Variants in ZSCAN30 observed in about 807,000 individuals in gnomAD.
The protein encoded by ZSCAN30 is zinc finger and SCAN domain containing 30, also known as zinc finger and SCAN domain-containing protein 30.
A neutral mutation model predicts 44.3 loss-of-function variants in ZSCAN30; 37 were observed. The observed-to-expected ratio is 0.84, with a 90% CI of 0.64 to 1.10. The LOEUF is 1.10. Ranked by LOEUF, ZSCAN30 falls within the 50% of genes least tolerant of loss-of-function variation. The pLI is 0.00. For synonymous variants in ZSCAN30, 181 were observed against 204.6 expected (o/e 0.88, Z 0.98); for missense variants, 549 against 582.6 (o/e 0.94, Z 0.59).
chr18:35,277,534 G>C (rs904172710), intron 1 of ZSCAN30, among the ~76,000 whole-genome samples: 10 of 152,122 alleles, frequency 6.6e-5, no homozygotes, highest in African/African-American at 1.2e-4. Context: ...GGTTTTATAA[G>C]GGGCTTTTCC....
chr18:35,279,657 T>C (rs2044421294), intron 1 of ZSCAN30, among the ~76,000 whole-genome samples: 1 of 152,204 alleles, frequency 6.6e-6, no homozygotes, highest in Non-Finnish European at 1.5e-5. Flanking sequence ...TCCTGGTTCA[T>C]AGAAGCCATC....
intron 3 of ZSCAN30, chr18:35,259,963 A>C (rs2043986142): frequency 1.3e-5 from 2 of 152,384 alleles, no homozygotes; most frequent in Admixed American, 1.3e-4. Flanking sequence ...CTATCAACCC[A>C]TCACCTAGGT....
In ZSCAN30 at chr18:35,253,470, T is replaced by C; in HGVS notation, c.1465A>G (p.Arg489Gly). ...CAGAGTTAAACTCTGGTGTGTGTTC[T>C]CTGATGCTGCATAAGGCCTGACCTA... is the stretch of plus-strand genomic sequence containing the variant. ...RHRSGLMQHQ[R>G]THTRV The change falls in exon 4 of 4, where the codon AGA (arginine) becomes GGA (glycine). Residue 489 changes from arginine to glycine, a missense_variant. By Grantham distance (125) the Arg-to-Gly change is moderately radical (BLOSUM62 -2). Transcript: ENST00000333206. 2 of 1,583,778 alleles carry C rather than the reference T, an allele frequency of 1.3e-6. No homozygotes were observed. The highest frequency in any genetic ancestry group is 2.3e-5 in the South Asian group (2 of 86,482).
intron 1 of ZSCAN30, chr18:35,282,746 A>G (rs1358930626): frequency 6.6e-6 from 1 of 152,190 alleles, no homozygotes; most frequent in African/African-American, 2.4e-5. Flanking sequence ...TCTGAAGGAT[A>G]CCCTCACCAC....
intron 3 of ZSCAN30, chr18:35,260,758 C>A (rs970264880): frequency 6.6e-6 from 1 of 152,004 alleles, no homozygotes; most frequent in African/African-American, 2.4e-5. Flanking sequence ...GATATTAGAC[C>A]TTTGTCAGAT....
At chr18:35,271,470 A>C (rs1358421228) in intron 1 of ZSCAN30, among the ~76,000 whole-genome samples, 1 of 152,280 alleles carries the variant, frequency 6.6e-6, no homozygotes, top group Admixed American at 6.5e-5. Context: ...CAGAGTGCTG[A>C]TTGGTGTGTT....
chr18:35,270,101 ATT>A (rs2044241057), intron 1 of ZSCAN30: 1 of 152,166 alleles, frequency 6.6e-6, no homozygotes, highest in African/African-American at 2.4e-5. Context: ...TCATTTATTT[ATT>A]TTCTTTTAAA....
At chr18:35,272,962 G>A (rs568482471) in intron 1 of ZSCAN30, among the ~76,000 whole-genome samples, 18 of 152,270 alleles carry the variant, frequency 1.2e-4, no homozygotes, top group African/African-American at 4.1e-4. Context: ...CACGAGAACA[G>A]TATGAGGGAA....
chr18:35,253,624 T>A lies in ZSCAN30; in HGVS notation c.1311A>T (p.Gly437=). ...ATTCATTACATTCATAAGGTTTCTC[T>A]CCAGTGTGAATTCTTTGATGTTCAA... ...ILIEHQRIHT[G]EKPYECNECG... is the part of the protein sequence containing the mutation. The change falls in exon 4 of 4, where the codon GGA becomes GGT. Residue 437 remains glycine (G), a synonymous_variant. Coordinates refer to ENST00000333206, the MANE Select transcript of ZSCAN30 (RefSeq NM_001112734.4). The A allele has an allele frequency of 6.2e-7, 1 of 1,614,066 alleles. No individual in the cohort carries two copies. Among genetic ancestry groups the A allele is most frequent in the Non-Finnish European group, 8.5e-7 (1 of 1,179,988 alleles).
Position 35,251,366 on chromosome 18 carries a change from C to T in ZSCAN30, c.*2084G>A, listed in dbSNP as rs1216328733. The T allele has an allele frequency of 2.0e-5, 3 of 152,126 alleles. No individual in the cohort carries two copies. The highest frequency in any genetic ancestry group is 7.2e-5 in the African/African-American group (3 of 41,422). 9.4% of individuals were successfully genotyped at this position (152,126 alleles called of 1,614,324 possible). On this transcript the variant is annotated 3_prime_UTR_variant, in exon 4 of 4. Transcript: ENST00000333206. ...TAAAACATTAAATCTCTGATTGTCA[C>T]CTATAGGAAAAGGCAACTCACTATC...
chr18:35,259,381 A>T (rs931556726), intron 3 of ZSCAN30, among the ~76,000 whole-genome samples: 1 of 152,124 alleles, frequency 6.6e-6, no homozygotes, highest in Non-Finnish European at 1.5e-5. Flanking sequence ...TAGTAAAGAC[A>T]GGGTTTCACA....
intron 1 of ZSCAN30, chr18:35,282,227 AAAG>A (rs1703204583): frequency 6.6e-6 from 1 of 152,252 alleles, no homozygotes; most frequent in African/African-American, 2.4e-5. Context: ...ATAGGATATG[AAAG>A]AAGGAGGGTT....
At chr18:35,274,330 C>T (rs1051979907) in intron 1 of ZSCAN30, among the ~76,000 whole-genome samples, 6 of 152,020 alleles carry the variant, frequency 3.9e-5, no homozygotes, top group African/African-American at 1.4e-4. Context: ...AGCCACCGTG[C>T]CCGGCCGAAG....
At chr18:35,282,294 C>A (rs1419025794) in intron 1 of ZSCAN30, 2 of 152,110 alleles carry the variant, frequency 1.3e-5, no homozygotes, top group Non-Finnish European at 2.9e-5. Flanking sequence ...AGACTATTTT[C>A]CTCTTTTGGG....
intron 3 of ZSCAN30, chr18:35,260,557 A>C (rs945340727): frequency 6.6e-6 from 1 of 152,168 alleles, no homozygotes; most frequent in Non-Finnish European, 1.5e-5. Context: ...CGCCATTCTG[A>C]CTGCCATGAG....
Position 35,263,757 on chromosome 18 carries a change from A to G in ZSCAN30, c.409-100T>C, listed in dbSNP as rs763292644. On this transcript the variant is annotated intron_variant, in intron 2 of 3. Coordinates refer to ENST00000333206, the MANE Select transcript of ZSCAN30 (RefSeq NM_001112734.4). ...AACAGAAGAATCAAAAACTCATTCAAATGATTAGAGAGAAAAAAAACAGGA... is the reference window on the plus strand; with the variant it reads ...AACAGAAGAATCAAAAACTCATTCAGATGATTAGAGAGAAAAAAAACAGGA... The G allele has an allele frequency of 6.1e-6, 9 of 1,476,270 alleles. No homozygotes were observed. The East Asian group carries it at 2.1e-4, about 34-fold the overall frequency. 91.4% of individuals were successfully genotyped at this position (1,476,270 alleles called of 1,614,324 possible).
chr18:35,269,355 TA>T (rs2044225182), intron 1 of ZSCAN30: 1 of 150,852 alleles, frequency 6.6e-6, no homozygotes, highest in African/African-American at 2.4e-5. Flanking sequence ...TAACCCCTCA[TA>T]AAGAAACAAT....
intron 1 of ZSCAN30, among the ~76,000 whole-genome samples, chr18:35,278,584 C>T (rs1028342777): frequency 2.0e-5 from 3 of 152,184 alleles, no homozygotes; most frequent in Admixed American, 6.5e-5. Context: ...TTCACCAAAA[C>T]GTTTGTCCCA....
At chr18:35,255,311 T>G (rs533770832) in intron 3 of ZSCAN30, among the ~76,000 whole-genome samples, 2 of 151,690 alleles carry the variant, frequency 1.3e-5, no homozygotes, top group Non-Finnish European at 2.9e-5. Context: ...ATCTACTAGT[T>G]ATATCTAGAG....
Sources: gnomAD v4.1 joint callset for allele counts (sites outside exome capture counted in the v4.1 genomes callset) on GRCh38, gnomAD v4.1.1 for gene constraint, MANE v1.5 for transcripts, NCBI Gene and HGNC (gene_info 2026-07-23, HGNC 2026-07-21) for gene names.